Variants in TGFBR2 observed in about 807,000 individuals in gnomAD.
TGFBR2 encodes TGF-beta receptor type-2.
Under a neutral mutation model 49.0 loss-of-function variants are expected in TGFBR2, and 18 were observed. The ratio of observed to expected loss-of-function variants is 0.37; its 90% CI spans 0.25 to 0.54. The LOEUF (loss-of-function observed/expected upper bound fraction) is 0.54, where lower values mean the gene tolerates loss of function less well. TGFBR2 is among the 20% of genes least tolerant of loss of function. The pLI is 0.85. For synonymous variants in TGFBR2, 282 were observed against 275.9 expected, an observed-to-expected ratio of 1.02 and a Z score of -0.22; for missense variants, 525 against 722.6, an observed-to-expected ratio of 0.73 and a Z score of 3.13.
chr3:30,624,837 A>C lies in TGFBR2; in HGVS notation c.94+17860A>C, dbSNP rs556234726. On this transcript the variant is annotated intron_variant, in intron 1 of 6. Transcript: ENST00000295754. ...TGGTGTGGACTTCTTTCTGTTTTCC[A>C]CCAGTGTTCTTCAGGGTGATTTTTC... Among the ~76,000 whole-genome samples the C allele has an allele frequency of 8.5e-5, 13 of 152,222 alleles. No individual in the cohort carries two copies. The East Asian group carries it at 2.3e-3, about 27-fold the overall frequency.
chr3:30,685,678 G>A (rs1209275841), intron 5 of TGFBR2, among the ~76,000 whole-genome samples: 1 of 152,162 alleles, frequency 6.6e-6, no homozygotes, highest in Non-Finnish European at 1.5e-5. Flanking sequence ...GCTATACGCT[G>A]CCTCTGAGAG....
At chr3:30,687,557 A>G (rs1457184785) in intron 5 of TGFBR2, among the ~76,000 whole-genome samples, 1 of 152,076 alleles carries the variant, frequency 6.6e-6, no homozygotes, top group Non-Finnish European at 1.5e-5. Flanking sequence ...ACTACTCTCC[A>G]TGATGTTTTT....
chr3:30,673,843 A>G (rs1383445014), intron 4 of TGFBR2, among the ~76,000 whole-genome samples: 1 of 152,304 alleles, frequency 6.6e-6, no homozygotes, highest in Admixed American at 6.5e-5. Flanking sequence ...ATGGGGTTAG[A>G]TAAGGCAGCT....
chr3:30,640,326 A>AG (rs761822571), intron 1 of TGFBR2, among the ~76,000 whole-genome samples: 23 of 152,294 alleles, frequency 1.5e-4, no homozygotes, highest in Non-Finnish European at 3.2e-4. Context: ...TTTGCCTATT[A>AG]GGGGTAGAAA....
intron 5 of TGFBR2, among the ~76,000 whole-genome samples, chr3:30,677,253 A>G (rs1004409838): frequency 6.6e-6 from 1 of 152,204 alleles, no homozygotes; most frequent in African/African-American, 2.4e-5. Context: ...CAAATTTTAC[A>G]AGGTCTAAAA....
chr3:30,645,781 C>T (rs4586858), intron 2 of TGFBR2, among the ~76,000 whole-genome samples: 52,530 of 151,540 alleles, frequency 0.35, 9,476 homozygotes, highest in East Asian at 0.69. Context: ...CCACCATGCC[C>T]GACCAGAACT....
chr3:30,679,468 G>A lies in TGFBR2; in HGVS notation c.1396+5222G>A, dbSNP rs145221493. Among the ~76,000 whole-genome samples, 339 of 152,286 alleles carry A rather than the reference G, an allele frequency of 2.2e-3. 1 individual carries two copies. The highest frequency in any genetic ancestry group is 7.7e-3 in the African/African-American group (320 of 41,544). On this transcript the variant is annotated intron_variant, in intron 5 of 6. Transcript: ENST00000295754. ...AATAGAGCTCTTCAAAAGCCAGGTG[G>A]TACAGCTTCATTTCGCACAAAATTC...
intron 1 of TGFBR2, among the ~76,000 whole-genome samples, chr3:30,636,017 A>C (rs748328617): frequency 1.4e-4 from 22 of 152,204 alleles, no homozygotes; most frequent in Non-Finnish European, 2.5e-4. Flanking sequence ...CTCTCAAACT[A>C]GAATATAAGC....
intron 1 of TGFBR2, among the ~76,000 whole-genome samples, chr3:30,636,088 C>A (rs1385300979): frequency 6.6e-6 from 1 of 151,474 alleles, no homozygotes; most frequent in African/African-American, 2.4e-5. Context: ...TGGAGAGTAT[C>A]CCAGACATTT....
At chr3:30,663,981 G>T (rs1300911034) in intron 3 of TGFBR2, among the ~76,000 whole-genome samples, 10 of 143,026 alleles carry the variant, frequency 7.0e-5, no homozygotes, top group Admixed American at 2.1e-4. Flanking sequence ...ACTTTTTTGG[G>T]GGGGGGAGTT....
At chr3:30,631,830 T>C (rs981928205) in intron 1 of TGFBR2, among the ~76,000 whole-genome samples, 1 of 152,062 alleles carries the variant, frequency 6.6e-6, no homozygotes, top group African/African-American at 2.4e-5. Flanking sequence ...CAGAGAGTGG[T>C]TGGGTAATTG....
chr3:30,611,916 G>C (rs369155104), intron 1 of TGFBR2, among the ~76,000 whole-genome samples: 3 of 152,126 alleles, frequency 2.0e-5, no homozygotes, highest in African/African-American at 7.2e-5. Context: ...CTACCCTCCA[G>C]GTCCTTATGT....
chr3:30,661,183 G>T (rs377123701), intron 3 of TGFBR2, among the ~76,000 whole-genome samples: 2 of 152,218 alleles, frequency 1.3e-5, no homozygotes, highest in African/African-American at 2.4e-5. Context: ...AATCAGGGCA[G>T]GTGTGGGGAT....
At chr3:30,621,677 C>G (rs1698234046) in intron 1 of TGFBR2, among the ~76,000 whole-genome samples, 1 of 152,154 alleles carries the variant, frequency 6.6e-6, no homozygotes, top group African/African-American at 2.4e-5. Context: ...GGTTCACTCT[C>G]AAAACTACTG....
chr3:30,634,394 A>G (rs1425605526), intron 1 of TGFBR2, among the ~76,000 whole-genome samples: 2 of 152,200 alleles, frequency 1.3e-5, no homozygotes, highest in African/African-American at 4.8e-5. Context: ...GACCATCCTT[A>G]TTTCCAAAGC....
chr3:30,655,471 A>ATCCCTG (rs1413161088), intron 3 of TGFBR2, among the ~76,000 whole-genome samples: 2 of 152,204 alleles, frequency 1.3e-5, no homozygotes, highest in African/African-American at 4.8e-5. Flanking sequence ...AGCTAACCAC[A>ATCCCTG]TCCCTGTCAT....
At position 30,672,337 on chromosome 3, in the gene TGFBR2, T is replaced by C. The variant is rs111319732; in HGVS notation, c.1154T>C (p.Ile385Thr). 6.2e-7 allele frequency: 1 copy of C among 1,613,594 alleles called. No individual in the cohort carries two copies. Among genetic ancestry groups the C allele is most frequent in the Non-Finnish European group, 8.5e-7 (1 of 1,179,676 alleles). Residue 385 changes from isoleucine to threonine, a missense_variant, in exon 4 of 7, where the codon ATC becomes ACC. Transcript: ENST00000295754. This position sits in a 1 kb window ranked among gnomAD's most constrained non-coding sequence, Gnocchi z 4.5. ...CACAGGGACCTCAAGAGCTCCAATA[T>C]CCTCGTGAAGAACGACCTAACCTGC... ...IVHRDLKSSN[I>T]LVKNDLTCCL...
chr3:30,634,656 A>T (rs1698496618), intron 1 of TGFBR2, among the ~76,000 whole-genome samples: 1 of 152,208 alleles, frequency 6.6e-6, no homozygotes, highest in South Asian at 2.1e-4. Context: ...AGTCTGTGCC[A>T]TTTACCAATG....
At chr3:30,614,747 T>C (rs565909644) in intron 1 of TGFBR2, among the ~76,000 whole-genome samples, 1 of 152,244 alleles carries the variant, frequency 6.6e-6, no homozygotes, top group South Asian at 2.1e-4. Flanking sequence ...CCAGAGTCAA[T>C]AAATTTGCCT....
Sources: allele counts gnomAD v4.1 joint callset (sites outside exome capture counted in the v4.1 genomes callset), GRCh38; gene constraint gnomAD v4.1.1; non-coding constraint Gnocchi (gnomAD v3.1); transcripts MANE v1.5; gene names NCBI Gene and HGNC (gene_info 2026-07-23, HGNC 2026-07-21).